Variants in IL1RAPL2 observed in about 807,000 individuals in gnomAD.
IL1RAPL2 encodes interleukin 1 receptor accessory protein like 2, also known as X-linked interleukin-1 receptor accessory protein-like 2.
In IL1RAPL2, 3 loss-of-function variants were observed where a neutral mutation model predicts 44.1. That is an observed-to-expected ratio of 0.07 (90% confidence interval 0.03 to 0.18). The LOEUF is 0.18. Ranked by LOEUF, IL1RAPL2 falls within the 10% of genes least tolerant of loss-of-function variation. The pLI is 1.00. For synonymous variants in IL1RAPL2, 181 were observed against 178.8 expected, an observed-to-expected ratio of 1.01 and a Z score of -0.10; for missense variants, 391 against 496.4, an observed-to-expected ratio of 0.79 and a Z score of 2.02.
intron 1 of IL1RAPL2, among the ~76,000 whole-genome samples, chrX:104,612,034 G>A (rs926152032): frequency 2.7e-4 from 30 of 110,096 alleles, no homozygotes; most frequent in Admixed American, 6.8e-4. Context: ...TAATGAGGTT[G>A]TTTGTTTTTT....
chrX:104,880,624 A>G (rs921045405), intron 2 of IL1RAPL2, among the ~76,000 whole-genome samples: 1 of 111,899 alleles, frequency 8.9e-6, no homozygotes, highest in African/African-American at 3.2e-5. Flanking sequence ...GCAAGGACAC[A>G]GCTTCATGAT....
intron 2 of IL1RAPL2, among the ~76,000 whole-genome samples, chrX:104,882,573 A>T (rs1168748207): frequency 1.8e-5 from 2 of 111,461 alleles, no homozygotes; most frequent in African/African-American, 3.3e-5. Context: ...AAGGTTTGTA[A>T]ATGCACCAAT....
At chrX:105,638,228 A>C (rs12859561) in intron 6 of IL1RAPL2, among the ~76,000 whole-genome samples, 7 of 111,912 alleles carry the variant, frequency 6.3e-5, no homozygotes, top group African/African-American at 1.3e-4. Flanking sequence ...CAGTACTAGA[A>C]GACATTATGG....
At chrX:105,072,960 T>C (rs111252967) in intron 2 of IL1RAPL2, among the ~76,000 whole-genome samples, 7,864 of 110,577 alleles carry the variant, frequency 0.071, 725 homozygotes, top group African/African-American at 0.25. Context: ...GCTTCATCCA[T>C]GTCCCTGCAA....
At chrX:105,489,781 CTCTCTT>C (rs1324777205) in intron 6 of IL1RAPL2, among the ~76,000 whole-genome samples, 3 of 57,146 alleles carry the variant, frequency 5.2e-5, no homozygotes, top group Non-Finnish European at 9.5e-5. Flanking sequence ...TCTTTTCTTT[CTCTCTT>C]TCTCTCTCTC....
At chrX:105,386,974 G>T (rs16984733) in intron 5 of IL1RAPL2, among the ~76,000 whole-genome samples, 14,548 of 110,916 alleles carry the variant, frequency 0.13, 2,310 homozygotes, top group African/African-American at 0.45. Flanking sequence ...TCTCTAATTA[G>T]GACTCCTTGT....
intron 2 of IL1RAPL2, among the ~76,000 whole-genome samples, chrX:104,968,979 CTGTGTGTGTGTGTGTGTGTG>C (rs35842489): frequency 2.6e-4 from 21 of 82,050 alleles, no homozygotes; most frequent in African/African-American, 8.2e-4. Context: ...TTGCCTTTTG[CTGTGTGTGTGTGTGTGTGTG>C]TGTGTGTGTG....
At chrX:105,566,415 G>T (rs1038488538) in intron 6 of IL1RAPL2, among the ~76,000 whole-genome samples, 1 of 111,347 alleles carries the variant, frequency 9.0e-6, no homozygotes, top group South Asian at 3.8e-4. Context: ...TGACTAATGG[G>T]CGAATGGTAT....
At chrX:104,687,470 C>T (rs768519692) in intron 2 of IL1RAPL2, among the ~76,000 whole-genome samples, 2 of 111,396 alleles carry the variant, frequency 1.8e-5, no homozygotes, top group Admixed American at 9.5e-5. Flanking sequence ...AAGCCATTTA[C>T]GAGGAATCTG....
chrX:104,907,416 T>C (rs1467714248), intron 2 of IL1RAPL2, among the ~76,000 whole-genome samples: 1 of 111,080 alleles, frequency 9.0e-6, no homozygotes, highest in African/African-American at 3.3e-5. Context: ...TTTGGATCTT[T>C]CCTGCTTTCT....
At position 104,585,271 on chromosome X, in the gene IL1RAPL2, T is replaced by A. The variant is rs1447317935; in HGVS notation, c.-20+18220T>A. ...TGATATATAATATATATATAATATATTATATATATTATATAATATATTATA... is the reference window on the plus strand; with the variant it reads ...TGATATATAATATATATATAATATAATATATATATTATATAATATATTATA... On this transcript the variant is annotated intron_variant, in intron 1 of 10. Transcript: ENST00000372582. 3.6e-3 allele frequency among the ~76,000 whole-genome samples: 64 copies of A among 17,898 alleles called. 3 individuals are homozygous for A. Among genetic ancestry groups the A allele is most frequent in the African/African-American group, 0.027 (60 of 2,222 alleles). The allele number at this position is 17,898 out of a possible 115,157, so 15.5% of individuals were successfully genotyped here.
chrX:104,779,573 C>G (rs1040097577), intron 2 of IL1RAPL2, among the ~76,000 whole-genome samples: 2 of 111,951 alleles, frequency 1.8e-5, no homozygotes, highest in Non-Finnish European at 3.8e-5. Context: ...AATAATGAAG[C>G]CTGACATAGT....
At chrX:104,971,887 C>T (rs1262409297) in intron 2 of IL1RAPL2, among the ~76,000 whole-genome samples, 2 of 111,118 alleles carry the variant, frequency 1.8e-5, no homozygotes, top group Non-Finnish European at 3.8e-5. Flanking sequence ...TCACCCCTGT[C>T]CTAAATTTTT....
At chrX:104,933,283 A>T (rs1298521506) in intron 2 of IL1RAPL2, among the ~76,000 whole-genome samples, 1 of 111,350 alleles carries the variant, frequency 9.0e-6, no homozygotes, top group Non-Finnish European at 1.9e-5. Context: ...AAAAGAAGAA[A>T]AAAAGGAATA....
chrX:105,556,371 GACATTT>G (rs1318368582), intron 6 of IL1RAPL2, among the ~76,000 whole-genome samples: 3 of 111,478 alleles, frequency 2.7e-5, no homozygotes, highest in African/African-American at 9.8e-5. Context: ...CAAGAAATAA[GACATTT>G]ATTCAGAGTC....
intron 3 of IL1RAPL2, among the ~76,000 whole-genome samples, chrX:105,228,619 A>G (rs782024695): frequency 6.2e-5 from 7 of 112,498 alleles, no homozygotes; most frequent in Non-Finnish European, 9.4e-5. Flanking sequence ...AGCAAGGTTT[A>G]TTTATAAATT....
chrX:104,752,535 C>G (rs1176047769), intron 2 of IL1RAPL2, among the ~76,000 whole-genome samples: 2 of 110,412 alleles, frequency 1.8e-5, no homozygotes, highest in Non-Finnish European at 3.8e-5. Flanking sequence ...TATGTAATCA[C>G]TCATGATGGC....
intron 5 of IL1RAPL2, among the ~76,000 whole-genome samples, chrX:105,292,158 A>C (rs1392943303): frequency 8.9e-6 from 1 of 112,250 alleles, no homozygotes; most frequent in African/African-American, 3.2e-5. Flanking sequence ...TAGAACATCC[A>C]TATAACTCAA....
intron 5 of IL1RAPL2, among the ~76,000 whole-genome samples, chrX:105,453,547 A>T (rs1242040343): frequency 8.9e-6 from 1 of 112,136 alleles, no homozygotes; most frequent in East Asian, 2.8e-4. Context: ...TTTCCAAAAA[A>T]TCAAATCTGA....
Sources: gnomAD v4.1 joint callset for allele counts (sites outside exome capture counted in the v4.1 genomes callset) on GRCh38, gnomAD v4.1.1 for gene constraint, MANE v1.5 for transcripts, NCBI Gene and HGNC (gene_info 2026-07-23, HGNC 2026-07-21) for gene names.